CALN1: variants seen among roughly 807,000 people sequenced by gnomAD.
The protein encoded by CALN1 is calneuron 1.
CALN1 carries 17 observed loss-of-function variants against 30.6 expected under a neutral mutation model. The observed-to-expected ratio is 0.56, with a 90% CI of 0.38 to 0.83. CALN1 has a LOEUF of 0.83. CALN1 is among the 40% of genes least tolerant of loss of function. CALN1 has a pLI of 0.00. For synonymous variants in CALN1, 156 were observed against 131.4 expected, an observed-to-expected ratio of 1.19 and a Z score of -1.28; for missense variants, 291 against 354.9, an observed-to-expected ratio of 0.82 and a Z score of 1.45.
intron 2 of CALN1, among the ~76,000 whole-genome samples, chr7:72,382,018 G>T (rs1206725445): frequency 6.6e-6 from 1 of 152,280 alleles, no homozygotes; most frequent in Non-Finnish European, 1.5e-5. Flanking sequence ...TCAATGAGAA[G>T]AGACTCACAG....
intron 5 of CALN1, among the ~76,000 whole-genome samples, chr7:71,835,166 C>A (rs1037361230): frequency 2.6e-5 from 4 of 152,188 alleles, no homozygotes; most frequent in African/African-American, 9.7e-5. Flanking sequence ...AACCAGCTCA[C>A]AAACACGGCA....
At chr7:72,214,943 G>A (rs936894229) in intron 3 of CALN1, among the ~76,000 whole-genome samples, 1 of 151,774 alleles carries the variant, frequency 6.6e-6, no homozygotes, top group Non-Finnish European at 1.5e-5. Context: ...GGACTATCTA[G>A]TTGCAGGAAA....
intron 3 of CALN1, among the ~76,000 whole-genome samples, chr7:72,274,901 C>A (rs1360223894): frequency 6.6e-6 from 1 of 152,064 alleles, no homozygotes; most frequent in East Asian, 1.9e-4. Flanking sequence ...CCCTCCTGAG[C>A]TTTGTGTAAA....
intron 5 of CALN1, among the ~76,000 whole-genome samples, chr7:71,846,359 G>A (rs754151958): frequency 2.0e-5 from 3 of 152,070 alleles, no homozygotes; most frequent in East Asian, 1.9e-4. Flanking sequence ...AGGCTGAGGC[G>A]CTGTCCATGG....
chr7:72,385,371 A>G (rs1188581084), intron 2 of CALN1, among the ~76,000 whole-genome samples: 4 of 152,208 alleles, frequency 2.6e-5, no homozygotes, highest in Admixed American at 1.3e-4. Context: ...AGCTTTATTC[A>G]GAATCACAGA....
At chr7:72,281,004 C>G (rs888097653) in intron 2 of CALN1, among the ~76,000 whole-genome samples, 1 of 151,984 alleles carries the variant, frequency 6.6e-6, no homozygotes, top group African/African-American at 2.4e-5. Flanking sequence ...ATTAGCTGGA[C>G]ATGGTAGTGC....
intron 6 of CALN1, among the ~76,000 whole-genome samples, chr7:71,799,083 T>TA (rs911820511): frequency 5.3e-5 from 8 of 151,938 alleles, no homozygotes; most frequent in African/African-American, 9.7e-5. Context: ...TGTCTCCAGG[T>TA]AAAAAAAATA....
Position 72,387,792 on chromosome 7 carries a change from G to A in CALN1, c.119+15459C>T, listed in dbSNP as rs142776212. Among the ~76,000 whole-genome samples the A allele has an allele frequency of 1.2e-3, 184 of 152,260 alleles. 3 individuals are homozygous for A. Among genetic ancestry groups the A allele is most frequent in the African/African-American group, 4.1e-3 (171 of 41,558 alleles). ...AAATGCACCATTGCCAGGCACAGAA[G>A]GACAAACACCACATGATCTCACCCA... On this transcript the variant is annotated intron_variant, in intron 2 of 6. Coordinates refer to ENST00000395275, the MANE Select transcript of CALN1 (RefSeq NM_031468.4).
intron 2 of CALN1, among the ~76,000 whole-genome samples, chr7:72,389,694 T>C (rs990533458): frequency 6.6e-6 from 1 of 152,132 alleles, no homozygotes; most frequent in African/African-American, 2.4e-5. Context: ...CTGAGGCAAG[T>C]GGATCACCTG....
At chr7:72,368,341 A>G (rs1048191607) in intron 2 of CALN1, among the ~76,000 whole-genome samples, 17 of 151,584 alleles carry the variant, frequency 1.1e-4, no homozygotes, top group Non-Finnish European at 5.9e-5. Flanking sequence ...CTTTTTACAT[A>G]TATACACAAA....
chr7:72,275,391 T>A (rs1216548022), intron 3 of CALN1, among the ~76,000 whole-genome samples: 1 of 152,176 alleles, frequency 6.6e-6, no homozygotes, highest in South Asian at 2.1e-4. Context: ...GTCATCTGAA[T>A]TGATTCAAGC....
intron 3 of CALN1, among the ~76,000 whole-genome samples, chr7:72,204,348 G>T (rs953265255): frequency 6.6e-6 from 1 of 151,398 alleles, no homozygotes; most frequent in Non-Finnish European, 1.5e-5. Flanking sequence ...TACACAGTTC[G>T]TTGTTGCCTT....
chr7:71,813,676 T>G (rs191994203), intron 5 of CALN1, among the ~76,000 whole-genome samples: 25 of 152,268 alleles, frequency 1.6e-4, no homozygotes, highest in Middle Eastern at 3.4e-3. Context: ...ACGCCTGTCA[T>G]CCTAGCACTT....
intron 2 of CALN1, chr7:72,336,706 C>T (rs1802070351): frequency 3.0e-6 from 3 of 985,608 alleles, no homozygotes; most frequent in South Asian, 4.7e-5. Flanking sequence ...GCACTCACCT[C>T]TTGCTGGGCC....
chr7:72,199,426 C>T (rs1414163644), intron 3 of CALN1, among the ~76,000 whole-genome samples: 1 of 152,182 alleles, frequency 6.6e-6, no homozygotes, highest in African/African-American at 2.4e-5. Flanking sequence ...AAGGAACTGG[C>T]CAAGCACAGT....
chr7:71,910,131 G>A (rs903914144), intron 5 of CALN1, among the ~76,000 whole-genome samples: 3 of 152,256 alleles, frequency 2.0e-5, no homozygotes, highest in African/African-American at 2.4e-5. Context: ...TTGACACATG[G>A]GAATTACTAC....
intron 6 of CALN1, 65 bp downstream of exon 6, chr7:71,810,271 A>T: frequency 2.0e-6 from 3 of 1,533,176 alleles, no homozygotes; most frequent in Middle Eastern, 4.4e-4. Context: ...CGCATTTTTC[A>T]TATAGAGAGT....
At chr7:71,822,532 G>A (rs1788657359) in intron 5 of CALN1, among the ~76,000 whole-genome samples, 1 of 152,206 alleles carries the variant, frequency 6.6e-6, no homozygotes, top group South Asian at 2.1e-4. Context: ...GCAGGCGTGA[G>A]TCACCGTGCC....
intron 4 of CALN1, among the ~76,000 whole-genome samples, chr7:72,060,544 C>G (rs969859247): frequency 2.6e-5 from 4 of 152,196 alleles, no homozygotes; most frequent in African/African-American, 9.7e-5. Flanking sequence ...CCTAAACAGT[C>G]TGCCCTAGAC....
Sources: allele counts gnomAD v4.1 joint callset (sites outside exome capture counted in the v4.1 genomes callset), GRCh38; gene constraint gnomAD v4.1.1; transcripts MANE v1.5; gene names NCBI Gene and HGNC (gene_info 2026-07-23, HGNC 2026-07-21).